TGFBR3: variants seen among roughly 807,000 people sequenced by gnomAD.
TGFBR3 encodes transforming growth factor beta receptor 3, also known as transforming growth factor beta receptor type 3.
A neutral mutation model predicts 87.9 loss-of-function variants in TGFBR3; 46 were observed. The observed-to-expected ratio is 0.52, with a 90% confidence interval of 0.41 to 0.67. The LOEUF (loss-of-function observed/expected upper bound fraction) is 0.67. TGFBR3 is among the 30% of genes least tolerant of loss of function. The probability of loss-of-function intolerance (pLI) is 0.00; values close to 1 mark genes in which losing one functional copy is unlikely to be tolerated. For synonymous variants in TGFBR3, 381 were observed against 391.6 expected, an observed-to-expected ratio of 0.97 and a Z score of 0.32; for missense variants, 866 against 1,041.9, an observed-to-expected ratio of 0.83 and a Z score of 2.32.
rs1172357817 is a variant in TGFBR3, at chr1:91,681,031, TCAAA to T, written c.*2704_*2707del. The T allele has an allele frequency of 4.4e-6, 2 of 454,040 alleles. No individual in the cohort carries two copies. Among genetic ancestry groups the T allele is most frequent in the South Asian group, 3.1e-5 (2 of 64,472 alleles). The allele number at this position is 454,040 out of a possible 1,614,324, so 28.1% of individuals were successfully genotyped here. On this transcript the variant is annotated 3_prime_UTR_variant, in exon 17 of 17. Transcript: ENST00000212355. The stretch of plus-strand genomic sequence containing the variant: ...GGGCATTTTAACAACAGCTTCAGCA[TCAAA>T]CAAACAACAAAATGGCCTCTGCAAA...
upstream of TGFBR3, among the ~76,000 whole-genome samples, chr1:91,889,661 C>T (rs927102149): frequency 6.6e-6 from 1 of 151,774 alleles, no homozygotes; most frequent in African/African-American, 2.4e-5. Flanking sequence ...AAAGGGTTCC[C>T]CTACCTCTTT....
At chr1:91,695,399 C>T in intron 16 of TGFBR3, 1 of 431,688 alleles carries the variant, frequency 2.3e-6, no homozygotes, top group South Asian at 2.1e-5. Context: ...TCTGCATTAA[C>T]CTTAAACTCT....
chr1:91,763,677 ACC>A (rs1196317215), intron 3 of TGFBR3, among the ~76,000 whole-genome samples: 1 of 152,162 alleles, frequency 6.6e-6, no homozygotes, highest in Admixed American at 6.5e-5. Context: ...CACACTTTGC[ACC>A]CACAAATGGA....
chr1:91,856,362 A>G (rs1677954971), intron 2 of TGFBR3, among the ~76,000 whole-genome samples: 1 of 152,060 alleles, frequency 6.6e-6, no homozygotes, highest in African/African-American at 2.4e-5. Context: ...CACCACGCCC[A>G]GCCGAAAGCA....
chr1:91,748,493 C>T (rs1673423670), intron 4 of TGFBR3, among the ~76,000 whole-genome samples: 1 of 152,124 alleles, frequency 6.6e-6, no homozygotes, highest in South Asian at 2.1e-4. Flanking sequence ...TGATCTAGAT[C>T]CCAGTACTGA....
intron 9 of TGFBR3, 49 bp downstream of exon 9, chr1:91,719,844 A>G: frequency 6.3e-7 from 1 of 1,588,016 alleles, no homozygotes; most frequent in Non-Finnish European, 8.6e-7. Context: ...CTAGGGCCAG[A>G]TGGGAAAGGA....
chr1:91,734,880 TG>T lies in TGFBR3; in HGVS notation c.463del (p.His155MetfsTer7), dbSNP rs1557683353. On this transcript the variant is annotated frameshift_variant, in exon 5 of 17. Transcript: ENST00000212355. LOFTEE classifies it high-confidence loss of function. ...TAETEERNFP[H>X]GNEHLLNWAR... ...CCAATTTAACAGATGTTCATTTCCA[TG>T]GGGGAAGTTCCTTTCTTCTGTTTCT... 6.2e-7 allele frequency: 1 copy of T among 1,614,198 alleles called. No homozygotes were observed. The highest frequency in any genetic ancestry group is 8.5e-7 in the Non-Finnish European group (1 of 1,179,998).
chr1:91,763,836 C>G (rs1674063812), intron 3 of TGFBR3, among the ~76,000 whole-genome samples: 1 of 152,148 alleles, frequency 6.6e-6, no homozygotes, highest in African/African-American at 2.4e-5. Context: ...ACAGTATTTA[C>G]TTAGTTGCTG....
chr1:91,895,561 A>T (rs535117895), intron 2 of TGFBR3, among the ~76,000 whole-genome samples: 2 of 152,158 alleles, frequency 1.3e-5, no homozygotes, highest in Admixed American at 1.3e-4. Flanking sequence ...CCTTGAGTGA[A>T]TCCTCCCATC....
intron 16 of TGFBR3, among the ~76,000 whole-genome samples, chr1:91,687,905 T>C (rs949371500): frequency 6.6e-6 from 1 of 152,240 alleles, no homozygotes; most frequent in African/African-American, 2.4e-5. Flanking sequence ...AGATATTTTC[T>C]TCTAGATCTA....
chr1:91,780,238 C>T (rs907556765), intron 3 of TGFBR3, among the ~76,000 whole-genome samples: 3 of 152,114 alleles, frequency 2.0e-5, no homozygotes, highest in African/African-American at 7.2e-5. Context: ...GTCAGGAATA[C>T]CACAAATAAA....
At chr1:91,866,868 A>G (rs1678408706) in intron 1 of TGFBR3, 1 of 152,416 alleles carries the variant, frequency 6.6e-6, no homozygotes, top group Non-Finnish European at 1.5e-5. Context: ...AAGAGGAATA[A>G]GTTCAAGGAG....
At chr1:91,801,295 G>GCT (rs367683402) in intron 2 of TGFBR3, among the ~76,000 whole-genome samples, 3 of 152,044 alleles carry the variant, frequency 2.0e-5, no homozygotes, top group Admixed American at 6.5e-5. Context: ...CCTCCTTGCG[G>GCT]CTCTCTCTCT....
At chr1:91,762,690 C>T (rs1008829851) in intron 3 of TGFBR3, among the ~76,000 whole-genome samples, 4 of 152,330 alleles carry the variant, frequency 2.6e-5, no homozygotes, top group Middle Eastern at 3.4e-3. Flanking sequence ...TTATGTAACA[C>T]CATCCCTCAT....
At chr1:91,791,074 G>A (rs1675174302) in intron 3 of TGFBR3, among the ~76,000 whole-genome samples, 3 of 152,224 alleles carry the variant, frequency 2.0e-5, no homozygotes, top group African/African-American at 7.2e-5. Context: ...ATTCCCCAAT[G>A]TAAGCAAAAA....
chr1:91,727,533 G>GA, intron 7 of TGFBR3, 126 bp downstream of exon 7: 1 of 1,289,374 alleles, frequency 7.8e-7, no homozygotes, highest in Non-Finnish European at 1.1e-6. Flanking sequence ...TTTGCAAAGT[G>GA]AAAAATAATT....
chr1:91,791,948 C>G (rs554608096), intron 3 of TGFBR3, among the ~76,000 whole-genome samples: 1 of 152,286 alleles, frequency 6.6e-6, no homozygotes, highest in East Asian at 1.9e-4. Flanking sequence ...AGAGGCAAGT[C>G]GAGCAGTTAG....
rs576908915 is a variant in TGFBR3, at chr1:91,869,578, C to T, written c.-113-7934G>A. On this transcript the variant is annotated intron_variant, in intron 1 of 16. Coordinates refer to ENST00000212355, the MANE Select transcript of TGFBR3 (RefSeq NM_003243.5). ...ACTCGGGAGGCTGAGGCAGGAGAACCGCTTGAACTCGGCAGGCAGAGGTTA... is the reference window on the plus strand; with the variant it reads ...ACTCGGGAGGCTGAGGCAGGAGAACTGCTTGAACTCGGCAGGCAGAGGTTA... 3.9e-4 allele frequency among the ~76,000 whole-genome samples: 60 copies of T among 152,288 alleles called. 2 individuals carry two copies. In the South Asian group the frequency reaches 0.012, roughly 29 times the overall value.
At chr1:91,897,696 T>C (rs2101343371) in intron 2 of TGFBR3, among the ~76,000 whole-genome samples, 1 of 152,330 alleles carries the variant, frequency 6.6e-6, no homozygotes, top group South Asian at 2.1e-4. Flanking sequence ...ATTACTATTG[T>C]GTGGGCCGAA....
Sources: gnomAD v4.1 joint callset for allele counts (sites outside exome capture counted in the v4.1 genomes callset) on GRCh38, gnomAD v4.1.1 for gene constraint, MANE v1.5 for transcripts, NCBI Gene and HGNC (gene_info 2026-07-23, HGNC 2026-07-21) for gene names.